FUCA2: variants seen among roughly 807,000 people sequenced by gnomAD.
The protein encoded by FUCA2 is alpha-L-fucosidase 2, also known as plasma alpha-L-fucosidase.
A neutral mutation model predicts 52.6 loss-of-function variants in FUCA2; 41 were observed. That is an observed-to-expected ratio of 0.78 (90% CI 0.61 to 1.01). The LOEUF (loss-of-function observed/expected upper bound fraction) is 1.01. FUCA2 is among the 50% of genes least tolerant of loss of function. FUCA2 has a pLI of 0.00. For missense variants in FUCA2, 507 were observed against 569.5 expected (o/e 0.89, Z 1.12); for synonymous variants, 211 against 217.3 (o/e 0.97, Z 0.26).
Position 143,511,570 on chromosome 6 carries a change from G to A in FUCA2, c.65C>T (p.Pro22Leu), listed in dbSNP as rs1780684738. 6.4e-7 allele frequency: 1 copy of A among 1,562,858 alleles called. No individual in the cohort carries two copies. The highest frequency in any genetic ancestry group is 1.2e-5 in the South Asian group (1 of 85,460). ...GCTGTGGGCAGGGCACGGCGGCGGC[G>A]GCAGCAGCAGCAACAGCAACAGCAG... ...PLLLLLLLLL[P>L]PPPCPAHSAT... The change falls in exon 1 of 7, where the codon CCG becomes CTG. Residue 22 changes from proline (P) to leucine (L), a missense_variant. Transcript: ENST00000002165. This position sits in a 1 kb window ranked among gnomAD's most constrained non-coding sequence, Gnocchi z 6.3.
Position 143,500,536 on chromosome 6 carries a change from A to T in FUCA2, c.1154+1396T>A, listed in dbSNP as rs603714. ...AAGACCGTGGGTGGAGCTAGTCTAC[A>T]GCAAAAATTTAAAACTCAGGGCTTC... On this transcript the variant is annotated intron_variant, in intron 5 of 6. Coordinates refer to ENST00000002165, the MANE Select transcript of FUCA2 (RefSeq NM_032020.5). This position sits in a 1 kb window ranked among gnomAD's most constrained non-coding sequence, Gnocchi z 6.9. 0.18 allele frequency among the ~76,000 whole-genome samples: 26,784 copies of T among 152,110 alleles called. 2,775 individuals carry two copies. Among genetic ancestry groups the T allele is most frequent in the East Asian group, 0.34 (1,742 of 5,170 alleles).
In FUCA2 at chr6:143,507,428, A is replaced by C; in HGVS notation, c.225-4T>G. 6 of 1,579,222 alleles carry C rather than the reference A, an allele frequency of 3.8e-6. No individual in the cohort carries two copies. Among genetic ancestry groups the C allele is most frequent in the Non-Finnish European group, 5.1e-6 (6 of 1,168,694 alleles). ...CTTTTCCTTTTGCCAATACCACCTA[A>C]GGGGAGGAAAGGAAAGAGTGCATAA... On this transcript the variant is annotated splice_region_variant and splice_polypyrimidine_tract_variant and intron_variant, in intron 1 of 6. Transcript: ENST00000002165. This position sits in a 1 kb window ranked among gnomAD's most constrained non-coding sequence, Gnocchi z 4.5.
At chr6:143,508,522 G>C (rs554322280) in intron 1 of FUCA2, among the ~76,000 whole-genome samples, 1 of 152,230 alleles carries the variant, frequency 6.6e-6, no homozygotes, top group Non-Finnish European at 1.5e-5. Context: ...CCCAAAAGTC[G>C]TATTTACGTA....
Position 143,509,643 on chromosome 6 carries a change from T to G in FUCA2, c.224+1768A>C, listed in dbSNP as rs1174736082. ...AGTTGTTAATTATGTACCACACTAA[T>G]CTAAAATATTTCCAAAACAAGCTCA... On this transcript the variant is annotated intron_variant, in intron 1 of 6. Coordinates refer to ENST00000002165, the MANE Select transcript of FUCA2 (RefSeq NM_032020.5). This position sits in a 1 kb window ranked among gnomAD's most constrained non-coding sequence, Gnocchi z 5.4. Among the ~76,000 whole-genome samples, 1 of 152,184 alleles carries G rather than the reference T, an allele frequency of 6.6e-6. No homozygotes were observed. Among genetic ancestry groups the G allele is most frequent in the African/African-American group, 2.4e-5 (1 of 41,442 alleles).
rs199603636 is a variant in FUCA2 at position 143,502,119 on chromosome 6, G to A, written c.967C>T (p.Leu323Phe). The change falls in exon 5 of 7, where the codon CTT (leucine) becomes TTT (phenylalanine). Residue 323 changes from leucine to phenylalanine, a missense_variant. By Grantham distance (22) the Leu-to-Phe change is conservative (BLOSUM62 0). Coordinates refer to ENST00000002165, the MANE Select transcript of FUCA2 (RefSeq NM_032020.5). The surrounding 1 kb of genome is among the most constrained non-coding windows in gnomAD (Gnocchi z 4.1). ...CCTCCACATGAAACTGTCTCTACAA[G>A]TTGCTAAAAAATTAAGAATAATGTT... ...YLTIEELVKQLVETVSCGGNL... is the reference protein window; with the variant it reads ...YLTIEELVKQFVETVSCGGNL... 3 of 1,590,358 alleles carry A rather than the reference G, an allele frequency of 1.9e-6. No individual in the cohort carries two copies. Among genetic ancestry groups the A allele is most frequent in the South Asian group, 1.2e-5 (1 of 86,220 alleles).
Position 143,507,581 on chromosome 6 carries a change from T to C in FUCA2, c.225-157A>G. Among the ~76,000 whole-genome samples, 1 of 152,170 alleles carries C rather than the reference T, an allele frequency of 6.6e-6. No homozygotes were observed. The highest frequency in any genetic ancestry group is 1.9e-4 in the East Asian group (1 of 5,192). ...TTGACTTGGCTTTAAAGATAGCTTATGCAAACTAAACCCCCTCTCATTTTC... is the reference window on the plus strand; with the variant it reads ...TTGACTTGGCTTTAAAGATAGCTTACGCAAACTAAACCCCCTCTCATTTTC... On this transcript the variant is annotated intron_variant, in intron 1 of 6. Transcript: ENST00000002165. The surrounding 1 kb of genome is among the most constrained non-coding windows in gnomAD (Gnocchi z 4.5).
chr6:143,507,429 G>A lies in FUCA2; in HGVS notation c.225-5C>T, dbSNP rs760019321. On this transcript the variant is annotated splice_region_variant and splice_polypyrimidine_tract_variant and intron_variant, in intron 1 of 6. Transcript: ENST00000002165. The surrounding 1 kb of genome is among the most constrained non-coding windows in gnomAD (Gnocchi z 4.5). ...TTTTCCTTTTGCCAATACCACCTAA[G>A]GGGAGGAAAGGAAAGAGTGCATAAA... The A allele has an allele frequency of 5.4e-5, 85 of 1,576,132 alleles. No individual in the cohort carries two copies. Among genetic ancestry groups the A allele is most frequent in the Non-Finnish European group, 6.9e-5 (80 of 1,167,448 alleles).
intron 2 of FUCA2, chr6:143,506,788 C>T (rs1358004637): frequency 1.9e-5 from 3 of 157,592 alleles, no homozygotes; most frequent in Non-Finnish European, 4.2e-5. Flanking sequence ...ACTATTTGCA[C>T]CATTTGGCCA....
At chr6:143,498,744 G>C (rs1780496963) in intron 5 of FUCA2, among the ~76,000 whole-genome samples, 2 of 152,128 alleles carry the variant, frequency 1.3e-5, no homozygotes, top group South Asian at 2.1e-4. Context: ...TGTGACCATG[G>C]GAGTGGCATT....
Position 143,497,103 on chromosome 6 carries a change from G to A in FUCA2, c.1263+286C>T, listed in dbSNP as rs1338532. Reference sequence around the variant, plus strand: ...GCCTCCTGAGTAACTAGGACTACAGGTGCGTGCCACCATGCTCAGCTAACT... The same window carrying A: ...GCCTCCTGAGTAACTAGGACTACAGATGCGTGCCACCATGCTCAGCTAACT... On this transcript the variant is annotated intron_variant, in intron 6 of 6. Coordinates refer to ENST00000002165, the MANE Select transcript of FUCA2 (RefSeq NM_032020.5). The surrounding 1 kb of genome is among the most constrained non-coding windows in gnomAD (Gnocchi z 5.3). 0.019 allele frequency: 5,986 copies of A among 309,164 alleles called. 228 individuals carry two copies. The highest frequency in any genetic ancestry group is 0.078 in the Admixed American group (1,741 of 22,244). 19.2% of individuals were successfully genotyped at this position (309,164 alleles called of 1,614,324 possible).
chr6:143,508,903 T>C (rs138239937), intron 1 of FUCA2, among the ~76,000 whole-genome samples: 1 of 152,326 alleles, frequency 6.6e-6, no homozygotes, highest in East Asian at 1.9e-4. Flanking sequence ...ATTAATTGAT[T>C]GGTTGAGACA....
Position 143,497,524 on chromosome 6 carries a change from A to G in FUCA2, c.1155-27T>C, listed in dbSNP as rs919907705. The G allele has an allele frequency of 1.2e-5, 15 of 1,283,116 alleles. No individual in the cohort carries two copies. The highest frequency in any genetic ancestry group is 3.7e-4 in the Middle Eastern group (2 of 5,400). 79.5% of individuals were successfully genotyped at this position (1,283,116 alleles called of 1,614,324 possible). On this transcript the variant is annotated intron_variant, in intron 5 of 6. Coordinates refer to ENST00000002165, the MANE Select transcript of FUCA2 (RefSeq NM_032020.5). This position sits in a 1 kb window ranked among gnomAD's most constrained non-coding sequence, Gnocchi z 5.3. ...TGGTTAAAAGAAAAAAATAAAGAGCATAGTAGCAAGTTACATCCCATGTTT... is the reference window on the plus strand; with the variant it reads ...TGGTTAAAAGAAAAAAATAAAGAGCGTAGTAGCAAGTTACATCCCATGTTT...
Position 143,502,194 on chromosome 6 carries a change from T to G in FUCA2, c.964-72A>C. The G allele has an allele frequency of 7.4e-7, 1 of 1,358,244 alleles. No individual in the cohort carries two copies. The highest frequency in any genetic ancestry group is 1.0e-6 in the Non-Finnish European group (1 of 994,044). 84.1% of individuals were successfully genotyped at this position (1,358,244 alleles called of 1,614,324 possible). ...CTTTAATGTGCTAATATGTTGCATTTATATATTTATACATGTATATATAGT... is the reference window on the plus strand; with the variant it reads ...CTTTAATGTGCTAATATGTTGCATTGATATATTTATACATGTATATATAGT... On this transcript the variant is annotated intron_variant, in intron 4 of 6. Coordinates refer to ENST00000002165, the MANE Select transcript of FUCA2 (RefSeq NM_032020.5). This position sits in a 1 kb window ranked among gnomAD's most constrained non-coding sequence, Gnocchi z 4.1.
chr6:143,496,994 A>C (rs1780469062), intron 6 of FUCA2: 1 of 152,954 alleles, frequency 6.5e-6, no homozygotes, highest in African/African-American at 2.4e-5. Context: ...ATTTTATTTT[A>C]TTTTTTCAGA....
At chr6:143,498,611 G>C (rs569787115) in intron 5 of FUCA2, among the ~76,000 whole-genome samples, 1 of 152,170 alleles carries the variant, frequency 6.6e-6, no homozygotes, top group Non-Finnish European at 1.5e-5. Flanking sequence ...GCCTGAAGGA[G>C]AGGAAGTGGG....
chr6:143,502,545 A>G lies in FUCA2; in HGVS notation c.773T>C (p.Val258Ala). Residue 258 changes from valine (V) to alanine (A), a missense_variant, in exon 4 of 7, where the codon GTC (valine) becomes GCC (alanine). Transcript: ENST00000002165. This position sits in a 1 kb window ranked among gnomAD's most constrained non-coding sequence, Gnocchi z 4.1. ...ACCAGCTCCCCAACGATCATTGGTG[A>G]CTACTGTGCCCCGAACTGGGCTGAA... ...YNESPVRGTV[V>A]TNDRWGAGSI... 6.2e-7 allele frequency: 1 copy of G among 1,614,066 alleles called. No homozygotes were observed. The highest frequency in any genetic ancestry group is 8.5e-7 in the Non-Finnish European group (1 of 1,179,940).
At position 143,502,407 on chromosome 6, in the gene FUCA2, T is replaced by G. The variant is rs761147553; in HGVS notation, c.911A>C (p.Tyr304Ser). The G allele has an allele frequency of 5.6e-6, 9 of 1,613,924 alleles. No homozygotes were observed. The highest frequency in any genetic ancestry group is 7.6e-6 in the Non-Finnish European group (9 of 1,179,966). Residue 304 changes from tyrosine to serine, a missense_variant, in exon 4 of 7, where the codon TAT (tyrosine) becomes TCT (serine). By Grantham distance (144) the Tyr-to-Ser change is moderately radical. Transcript: ENST00000002165. The surrounding 1 kb of genome is among the most constrained non-coding windows in gnomAD (Gnocchi z 4.1). ...CMTIDKLSWGYRREAGISDYL... is the reference protein window; with the variant it reads ...CMTIDKLSWGSRREAGISDYL... ...GTCAGAGATTCCAGCTTCCCTCCTA[T>G]AGCCCCAGGACAGTTTGTCTATTGT...
Position 143,501,923 on chromosome 6 carries a change from A to G in FUCA2, c.1154+9T>C. 4 of 1,604,962 alleles carry G rather than the reference A, an allele frequency of 2.5e-6. No homozygotes were observed. Among genetic ancestry groups the G allele is most frequent in the Non-Finnish European group, 3.4e-6 (4 of 1,174,236 alleles). On this transcript the variant is annotated intron_variant, in intron 5 of 6. Coordinates refer to ENST00000002165, the MANE Select transcript of FUCA2 (RefSeq NM_032020.5). The surrounding 1 kb of genome is among the most constrained non-coding windows in gnomAD (Gnocchi z 6.1). ...TATAAAAGAGTACTTGGTAACAAGA[A>G]TGACTTACCACACATCTGGGGTGAC...
In FUCA2 at chr6:143,504,262, T is replaced by A. The variant is rs1780570081; in HGVS notation, c.413-10A>T. The A allele has an allele frequency of 4.4e-6, 7 of 1,599,122 alleles. No homozygotes were observed. Among genetic ancestry groups the A allele is most frequent in the Non-Finnish European group, 5.1e-6 (6 of 1,173,754 alleles). The stretch of plus-strand genomic sequence containing the variant: ...CCCCACAAGGTAAAGCCTAGAAAAT[T>A]ATAGTGAAAACCCTTGTAAGCATGT... On this transcript the variant is annotated splice_polypyrimidine_tract_variant and intron_variant, in intron 2 of 6. Coordinates refer to ENST00000002165, the MANE Select transcript of FUCA2 (RefSeq NM_032020.5). This position sits in a 1 kb window ranked among gnomAD's most constrained non-coding sequence, Gnocchi z 4.4.
Sources: gnomAD v4.1 joint callset for allele counts (sites outside exome capture counted in the v4.1 genomes callset) on GRCh38, gnomAD v4.1.1 for gene constraint, Gnocchi (gnomAD v3.1) non-coding constraint, MANE v1.5 for transcripts, NCBI Gene and HGNC (gene_info 2026-07-23, HGNC 2026-07-21) for gene names.